The following MPP7 variants were observed in gnomAD, a reference collection of about 807,000 sequenced individuals.
MPP7 encodes MAGUK p55 subfamily member 7.
In MPP7, 60 loss-of-function variants were observed where a neutral mutation model predicts 76.5. That is an observed-to-expected ratio of 0.78 (90% confidence interval 0.64 to 0.97). The LOEUF (loss-of-function observed/expected upper bound fraction) is 0.97, where lower values mean the gene tolerates loss of function less well. MPP7 is among the 50% of genes least tolerant of loss of function. The pLI, the probability that MPP7 is intolerant of heterozygous loss-of-function variation, is 0.00. For missense variants in MPP7, 641 were observed against 694.0 expected, an observed-to-expected ratio of 0.92 and a Z score of 0.86; for synonymous variants, 237 against 244.5, an observed-to-expected ratio of 0.97 and a Z score of 0.29.
rs3936498 is a variant in MPP7 at position 28,291,066 on chromosome 10, G to T, written c.-132+11795C>A. Among the ~76,000 whole-genome samples, 619 of 152,304 alleles carry T rather than the reference G, an allele frequency of 4.1e-3. 5 individuals carry two copies. Among genetic ancestry groups the T allele is most frequent in the African/African-American group, 0.015 (608 of 41,556 alleles). On this transcript the variant is annotated intron_variant, in intron 1 of 16. Coordinates refer to ENST00000683449, the MANE Select transcript of MPP7 (RefSeq NM_001318170.2). ...TGGAGAAGAAGAATAAATGCCTACT[G>T]CTGCACAGTTTAGGATGTTTCTAGT...
At chr10:28,062,547 C>CAT (rs1851832602) in intron 13 of MPP7, among the ~76,000 whole-genome samples, 1 of 133,962 alleles carries the variant, frequency 7.5e-6, no homozygotes. Flanking sequence ...CACACACACA[C>CAT]ACACACACAC....
chr10:28,188,954 A>T (rs1837318981), intron 3 of MPP7, among the ~76,000 whole-genome samples: 1 of 152,116 alleles, frequency 6.6e-6, no homozygotes, highest in South Asian at 2.1e-4. Context: ...CTGCCTTGCA[A>T]GAAGTGTTAA....
intron 2 of MPP7, among the ~76,000 whole-genome samples, chr10:28,309,915 A>T (rs539654538): frequency 6.6e-6 from 1 of 151,720 alleles, no homozygotes; most frequent in South Asian, 2.1e-4. Flanking sequence ...CATGAATAAA[A>T]GCTCCCGGAG....
chr10:28,119,743 T>A (rs1452970750), intron 10 of MPP7, 28 bp from the exon 11 acceptor site: 9 of 1,592,156 alleles, frequency 5.7e-6, no homozygotes, highest in Admixed American at 1.7e-5. Context: ...AACATACCTA[T>A]CAATTTTCAG....
chr10:28,208,939 T>G (rs1229197305), intron 2 of MPP7, among the ~76,000 whole-genome samples: 6 of 152,088 alleles, frequency 3.9e-5, no homozygotes, highest in Admixed American at 3.9e-4. Flanking sequence ...CCTCATGGCT[T>G]GAAGCTGTCC....
intron 1 of MPP7, among the ~76,000 whole-genome samples, chr10:28,332,457 C>A (rs527575994): frequency 4.6e-4 from 70 of 152,220 alleles, no homozygotes; most frequent in African/African-American, 1.5e-3. Context: ...GCAGTTTACA[C>A]ACATTTTGTG....
chr10:28,114,217 C>T (rs1442391866), intron 11 of MPP7, among the ~76,000 whole-genome samples: 2 of 152,124 alleles, frequency 1.3e-5, no homozygotes, highest in Non-Finnish European at 2.9e-5. Flanking sequence ...TTGAGATCAG[C>T]GTGAACCACA....
chr10:28,255,466 G>A (rs1282043679), intron 1 of MPP7, among the ~76,000 whole-genome samples: 1 of 150,458 alleles, frequency 6.6e-6, no homozygotes, highest in Non-Finnish European at 1.5e-5. Context: ...CCAGGTTGGA[G>A]TGCAGTGGCG....
chr10:28,217,537 A>AAAAG (rs375123965), intron 2 of MPP7, among the ~76,000 whole-genome samples: 25 of 138,200 alleles, frequency 1.8e-4, no homozygotes, highest in South Asian at 4.6e-4. Flanking sequence ...AAAAAAAAAA[A>AAAAG]AAAAGAAAAG....
intron 2 of MPP7, among the ~76,000 whole-genome samples, chr10:28,313,007 C>G (rs1010865571): frequency 2.6e-5 from 4 of 152,180 alleles, no homozygotes; most frequent in African/African-American, 9.6e-5. Context: ...GGGGATGTTT[C>G]CAGGACCCAG....
At chr10:28,175,168 T>C (rs1287700446) in intron 3 of MPP7, among the ~76,000 whole-genome samples, 4 of 152,048 alleles carry the variant, frequency 2.6e-5, no homozygotes, top group African/African-American at 9.7e-5. Flanking sequence ...TGCGCACCTA[T>C]AGTCCCAGCT....
At chr10:28,334,064 T>C (rs1380717642) in intron 1 of MPP7, among the ~76,000 whole-genome samples, 1 of 151,966 alleles carries the variant, frequency 6.6e-6, no homozygotes, top group African/African-American at 2.4e-5. Flanking sequence ...AGCCAGGCAT[T>C]GTGTCACACA....
At chr10:28,256,085 C>G (rs1352563166) in intron 1 of MPP7, among the ~76,000 whole-genome samples, 1 of 151,978 alleles carries the variant, frequency 6.6e-6, no homozygotes, top group East Asian at 1.9e-4. Context: ...CTGAGGTCAA[C>G]AGTATACTAG....
rs189499981 is a variant in MPP7 at position 28,076,925 on chromosome 10, G to A, written c.1124-7073C>T. On this transcript the variant is annotated intron_variant, in intron 12 of 16. Transcript: ENST00000683449. ...AAATGCAAATAGAGTGTCCCAGCCT[G>A]CCTTGTCCCTCAAGACAACTAGAAC... Among the ~76,000 whole-genome samples the A allele has an allele frequency of 1.9e-3, 294 of 151,682 alleles. 1 individual carries two copies. The highest frequency in any genetic ancestry group is 3.1e-3 in the Non-Finnish European group (210 of 67,876).
At chr10:28,108,214 T>A (rs754523753) in intron 11 of MPP7, among the ~76,000 whole-genome samples, 2 of 152,162 alleles carry the variant, frequency 1.3e-5, no homozygotes, top group Admixed American at 6.5e-5. Context: ...TTAAAATAAA[T>A]ACAATACCAC....
chr10:28,318,797 C>A (rs1458258211), intron 2 of MPP7, among the ~76,000 whole-genome samples: 1 of 152,226 alleles, frequency 6.6e-6, no homozygotes, highest in Non-Finnish European at 1.5e-5. Context: ...ACTTGCCTTG[C>A]TTAAGTGAAG....
chr10:28,106,188 T>G (rs954792118), intron 11 of MPP7, among the ~76,000 whole-genome samples: 3 of 152,314 alleles, frequency 2.0e-5, no homozygotes, highest in Non-Finnish European at 4.4e-5. Context: ...TCCCATAGTC[T>G]TAATTCCACC....
chr10:28,157,816 T>C (rs2985532), intron 3 of MPP7, among the ~76,000 whole-genome samples: 113,767 of 152,190 alleles, frequency 0.75, 42,662 homozygotes, highest in Middle Eastern at 0.84. Context: ...ACACACAGCT[T>C]TTCCCAACAG....
chr10:28,065,151 C>T (rs974595259), intron 13 of MPP7, among the ~76,000 whole-genome samples: 9 of 152,048 alleles, frequency 5.9e-5, no homozygotes, highest in Admixed American at 2.0e-4. Flanking sequence ...TTCTTTCTTA[C>T]GGACAGAGAA....
Sources: gnomAD v4.1 joint callset for allele counts (sites outside exome capture counted in the v4.1 genomes callset) on GRCh38, gnomAD v4.1.1 for gene constraint, MANE v1.5 for transcripts, NCBI Gene and HGNC (gene_info 2026-07-23, HGNC 2026-07-21) for gene names.